RAD51B: variants seen among roughly 807,000 people sequenced by gnomAD.
RAD51B encodes RAD51 paralog B.
In RAD51B, 38 loss-of-function variants were observed where a neutral mutation model predicts 42.2. The ratio of observed to expected loss-of-function variants is 0.90; its 90% CI spans 0.70 to 1.18. The LOEUF (loss-of-function observed/expected upper bound fraction) is 1.18. Ranked by LOEUF, RAD51B falls within the 50% of genes most tolerant of loss-of-function variation. The pLI is 0.00. For synonymous variants in RAD51B, 154 were observed against 145.2 expected, an observed-to-expected ratio of 1.06 and a Z score of -0.43; for missense variants, 373 against 400.7, an observed-to-expected ratio of 0.93 and a Z score of 0.59.
intron 10 of RAD51B, among the ~76,000 whole-genome samples, chr14:68,592,294 T>C (rs535978876): frequency 6.6e-6 from 1 of 151,914 alleles, no homozygotes; most frequent in East Asian, 1.9e-4. Context: ...TGTATGTGTG[T>C]GTATCAAAGA....
At chr14:68,356,434 CAAAAAA>C (rs55768026) in intron 8 of RAD51B, among the ~76,000 whole-genome samples, 2 of 106,402 alleles carry the variant, frequency 1.9e-5, no homozygotes, top group Admixed American at 9.5e-5. Context: ...GACTCCGTCT[CAAAAAA>C]AAAAAAAAAA....
chr14:68,519,594 T>C (rs1460789292), intron 10 of RAD51B, among the ~76,000 whole-genome samples: 1 of 152,224 alleles, frequency 6.6e-6, no homozygotes, highest in Admixed American at 6.5e-5. Flanking sequence ...ACACGACTGG[T>C]TCTGCCTTGG....
intron 7 of RAD51B, among the ~76,000 whole-genome samples, chr14:68,115,042 T>G (rs1211521207): frequency 6.9e-6 from 1 of 144,428 alleles, no homozygotes; most frequent in Non-Finnish European, 1.5e-5. Context: ...ATCCCATTAC[T>G]GGGTATATAC....
At chr14:68,399,247 ATT>A (rs71446354) in intron 8 of RAD51B, among the ~76,000 whole-genome samples, 1 of 139,618 alleles carries the variant, frequency 7.2e-6, no homozygotes, top group African/African-American at 2.8e-5. Flanking sequence ...CCTTTACCTG[ATT>A]TTTTTTTGTG....
chr14:67,993,584 C>T (rs774782416), intron 7 of RAD51B, among the ~76,000 whole-genome samples: 2 of 152,236 alleles, frequency 1.3e-5, no homozygotes, highest in Non-Finnish European at 2.9e-5. Flanking sequence ...TTTCTTTGTC[C>T]ATTCATGTGT....
intron 7 of RAD51B, among the ~76,000 whole-genome samples, chr14:68,166,670 G>A (rs148111481): frequency 2.2e-4 from 34 of 152,254 alleles, no homozygotes; most frequent in Admixed American, 5.9e-4. Flanking sequence ...ATTCCCATTA[G>A]CACCAGTCTG....
At chr14:68,317,776 G>A (rs1269356362) in intron 8 of RAD51B, among the ~76,000 whole-genome samples, 2 of 152,194 alleles carry the variant, frequency 1.3e-5, no homozygotes, top group African/African-American at 4.8e-5. Flanking sequence ...ATTGAGATAG[G>A]CTTTTGCCCG....
intron 7 of RAD51B, among the ~76,000 whole-genome samples, chr14:68,266,682 G>C (rs1291277743): frequency 6.6e-6 from 1 of 152,124 alleles, no homozygotes; most frequent in African/African-American, 2.4e-5. Context: ...GAGGGAATGA[G>C]GTACAAATCA....
At chr14:68,096,616 C>T (rs888712092) in intron 7 of RAD51B, among the ~76,000 whole-genome samples, 1 of 152,158 alleles carries the variant, frequency 6.6e-6, no homozygotes, top group Non-Finnish European at 1.5e-5. Flanking sequence ...CACCACATCC[C>T]ATCGTTTTTG....
chr14:67,941,188 A>C (rs1313026797), intron 7 of RAD51B, among the ~76,000 whole-genome samples: 1 of 152,138 alleles, frequency 6.6e-6, no homozygotes, highest in Non-Finnish European at 1.5e-5. Context: ...GGCAAAATCC[A>C]AAAAAACAGC....
intron 5 of RAD51B, among the ~76,000 whole-genome samples, chr14:67,883,546 T>G (rs973407082): frequency 1.3e-5 from 2 of 152,162 alleles, no homozygotes; most frequent in African/African-American, 4.8e-5. Context: ...GGTATCCACA[T>G]GGTTCATTTT....
Position 68,394,850 on chromosome 14 carries a change from C to T in RAD51B, c.854-16574C>T, listed in dbSNP as rs530161609. On this transcript the variant is annotated intron_variant, in intron 8 of 10. Coordinates refer to ENST00000471583, the MANE Select transcript of RAD51B (RefSeq NM_133510.4). Reference sequence around the variant, plus strand: ...GAAGGCTGTGGAAGCCGCACGTCTCCGATGCTGCCCACTGTCCTTTCCCTC... The same window carrying T: ...GAAGGCTGTGGAAGCCGCACGTCTCTGATGCTGCCCACTGTCCTTTCCCTC... Among the ~76,000 whole-genome samples the T allele has an allele frequency of 8.1e-3, 1,232 of 152,300 alleles. 14 individuals are homozygous for T. The highest frequency in any genetic ancestry group is 0.028 in the African/African-American group (1,164 of 41,564).
At chr14:67,910,221 A>G (rs1169372783) in intron 7 of RAD51B, among the ~76,000 whole-genome samples, 1 of 152,014 alleles carries the variant, frequency 6.6e-6, no homozygotes, top group African/African-American at 2.4e-5. Flanking sequence ...CCTTGCAATA[A>G]TGCTGTTTCA....
chr14:68,241,697 G>T (rs867930669), intron 7 of RAD51B, among the ~76,000 whole-genome samples: 4 of 151,692 alleles, frequency 2.6e-5, no homozygotes, highest in Non-Finnish European at 4.4e-5. Flanking sequence ...TTAAAAAGTA[G>T]TTTCTGCCCA....
At chr14:68,215,582 T>C (rs982975448) in intron 7 of RAD51B, among the ~76,000 whole-genome samples, 10 of 152,216 alleles carry the variant, frequency 6.6e-5, no homozygotes, top group Admixed American at 1.3e-4. Flanking sequence ...CCCAAGGTCA[T>C]GCAGTATTAA....
At chr14:68,349,982 C>T (rs547628310) in intron 8 of RAD51B, among the ~76,000 whole-genome samples, 32 of 152,320 alleles carry the variant, frequency 2.1e-4, no homozygotes, top group East Asian at 3.9e-4. Flanking sequence ...AAAGCATACA[C>T]GCTATCGCAC....
intron 8 of RAD51B, among the ~76,000 whole-genome samples, chr14:68,368,503 A>G (rs896629124): frequency 1.3e-5 from 2 of 152,244 alleles, no homozygotes; most frequent in African/African-American, 2.4e-5. Flanking sequence ...AGGTTTTCCT[A>G]TAATGCCTGG....
intron 8 of RAD51B, chr14:68,339,506 T>A: frequency 2.4e-6 from 1 of 422,744 alleles, no homozygotes; most frequent in African/African-American, 2.1e-5. Flanking sequence ...TTTTTTCTCC[T>A]TGGCTTTCTT....
chr14:68,284,212 C>T (rs2081373861), intron 7 of RAD51B, among the ~76,000 whole-genome samples: 1 of 152,208 alleles, frequency 6.6e-6, no homozygotes, highest in Admixed American at 6.5e-5. Flanking sequence ...AGCATTCTCA[C>T]CATAAACACA....
Sources: gnomAD v4.1 joint callset for allele counts (sites outside exome capture counted in the v4.1 genomes callset) on GRCh38, gnomAD v4.1.1 for gene constraint, MANE v1.5 for transcripts, NCBI Gene and HGNC (gene_info 2026-07-23, HGNC 2026-07-21) for gene names.